The following VAC14 variants were observed in gnomAD, a reference collection of about 807,000 sequenced individuals.
VAC14 encodes the protein VAC14 component of PIKFYVE complex.
VAC14 carries 47 observed loss-of-function variants against 85.3 expected under a neutral mutation model. The ratio of observed to expected loss-of-function variants is 0.55; its 90% CI spans 0.44 to 0.70. The LOEUF (loss-of-function observed/expected upper bound fraction) is 0.70. VAC14 is among the 30% of genes least tolerant of loss of function. VAC14 has a pLI of 0.00. For missense variants in VAC14, 861 were observed against 1,004.3 expected (o/e 0.86, Z 1.93); for synonymous variants, 447 against 430.5 (o/e 1.04, Z -0.47).
intron 13 of VAC14, among the ~76,000 whole-genome samples, chr16:70,738,278 G>T (rs1178434312): frequency 2.6e-5 from 4 of 152,180 alleles, no homozygotes. Context: ...GTAGACAAAG[G>T]CCGCCGCAAT....
intron 10 of VAC14, chr16:70,768,674 G>C: frequency 2.7e-6 from 1 of 363,692 alleles, no homozygotes; most frequent in Non-Finnish European, 5.5e-6. Context: ...CTCAGGTTTA[G>C]TCAGTTAATT....
At chr16:70,734,387 C>T (rs2054686397) in intron 13 of VAC14, among the ~76,000 whole-genome samples, 1 of 152,212 alleles carries the variant, frequency 6.6e-6, no homozygotes, top group Non-Finnish European at 1.5e-5. Flanking sequence ...TCTGCCTTGG[C>T]CTCCCAAAGT....
At chr16:70,789,612 A>T (rs2034241573) in intron 1 of VAC14, among the ~76,000 whole-genome samples, 2 of 152,240 alleles carry the variant, frequency 1.3e-5, no homozygotes, top group South Asian at 4.1e-4. Flanking sequence ...GAGAGACTGA[A>T]TTTGAGATTT....
chr16:70,786,603 G>T (rs2034071749), intron 1 of VAC14, among the ~76,000 whole-genome samples: 1 of 152,312 alleles, frequency 6.6e-6, no homozygotes. Flanking sequence ...CTCACTTCTG[G>T]GAATCTGAGA....
In VAC14 at chr16:70,800,790, C is replaced by T. The variant is rs187566408; in HGVS notation, c.104+7G>A. On this transcript the variant is annotated splice_region_variant and intron_variant, in intron 1 of 18. Coordinates refer to ENST00000261776, the MANE Select transcript of VAC14 (RefSeq NM_018052.5). The stretch of plus-strand genomic sequence containing the variant: ...CATAGCCAGGGAGGGGTCCTGGCGG[C>T]TCTTACTTCTCGATCTCCAGCGCTG... 2 of 1,609,634 alleles carry T rather than the reference C, an allele frequency of 1.2e-6. No individual in the cohort carries two copies. Among genetic ancestry groups the T allele is most frequent in the Admixed American group, 3.3e-5 (2 of 59,808 alleles).
Position 70,743,508 on chromosome 16 carries a change from C to T in VAC14, c.1528+915G>A, listed in dbSNP as rs1237867117. Reference sequence around the variant, plus strand: ...AGCTGTAACACTTGCCGCAAAGGTCCGTGGCTTCATTCTTGAAGTCAGCAA... The same window carrying T: ...AGCTGTAACACTTGCCGCAAAGGTCTGTGGCTTCATTCTTGAAGTCAGCAA... On this transcript the variant is annotated intron_variant, in intron 13 of 18. Transcript: ENST00000261776. Among the ~76,000 whole-genome samples, 4 of 152,214 alleles carry T rather than the reference C, an allele frequency of 2.6e-5. No individual in the cohort carries two copies. The East Asian group carries it at 5.8e-4, about 22-fold the overall frequency.
intron 10 of VAC14, chr16:70,768,695 T>G: frequency 2.5e-6 from 1 of 392,434 alleles, no homozygotes; most frequent in Non-Finnish European, 5.1e-6. Context: ...CTCCCTGTGT[T>G]TCGGTCCAAG....
intron 9 of VAC14, chr16:70,779,108 G>C (rs1021526201): frequency 6.6e-6 from 1 of 152,242 alleles, no homozygotes; most frequent in African/African-American, 2.4e-5. Context: ...AACCACCAAT[G>C]CTCCAGCTGA....
intron 18 of VAC14, chr16:70,688,476 A>G (rs2053540544): frequency 2.0e-6 from 2 of 992,914 alleles, no homozygotes; most frequent in South Asian, 9.4e-5. Flanking sequence ...GAGAAGGGGG[A>G]GGTGGCAGCT....
Position 70,698,733 on chromosome 16 carries a change from C to G in VAC14, c.1740G>C (p.Lys580Asn). 6.2e-7 allele frequency: 1 copy of G among 1,614,196 alleles called. No individual in the cohort carries two copies. The highest frequency in any genetic ancestry group is 8.5e-7 in the Non-Finnish European group (1 of 1,180,026). Reference protein sequence around the residue: ...ADILLREEDLKFASTMVHALN... With the variant: ...ADILLREEDLNFASTMVHALN... ...GGGCGTGGACCATGGTCGAGGCGAA[C>G]TTGAGGTCCTCCTCCCGCAGCAGGA... is the stretch of plus-strand genomic sequence containing the variant. Residue 580 changes from lysine (K) to asparagine (N), a missense_variant, in exon 15 of 19, where the codon AAG becomes AAC. This residue lies in a region of VAC14 where 69 missense variants were observed against 139.0 expected (regional missense o/e 0.50). Transcript: ENST00000261776.
intron 1 of VAC14, among the ~76,000 whole-genome samples, chr16:70,795,536 G>A (rs1443157736): frequency 6.8e-6 from 1 of 147,930 alleles, no homozygotes; most frequent in African/African-American, 2.5e-5. Flanking sequence ...CCTCTGAAGC[G>A]ATACATGACT....
At chr16:70,795,494 TAAA>T (rs71153603) in intron 1 of VAC14, among the ~76,000 whole-genome samples, 1 of 91,922 alleles carries the variant, frequency 1.1e-5, no homozygotes, top group Admixed American at 1.2e-4. Flanking sequence ...AGACTCTGTC[TAAA>T]AAAAAAAAAA....
intron 1 of VAC14, among the ~76,000 whole-genome samples, chr16:70,796,134 C>T (rs1179896941): frequency 6.6e-6 from 1 of 152,214 alleles, no homozygotes; most frequent in Non-Finnish European, 1.5e-5. Context: ...TTGTGTGGTC[C>T]TGTGGGAATA....
At chr16:70,782,070 C>T (rs2033841404) in intron 7 of VAC14, 67 bp from the exon 8 acceptor site, 4 of 1,573,752 alleles carry the variant, frequency 2.5e-6, no homozygotes, top group Admixed American at 3.5e-5. Flanking sequence ...TCCCATTGAC[C>T]ATACACGTGG....
rs2054590135 is a variant in VAC14, at chr16:70,731,496, T to C, written c.1660A>G (p.Arg554Gly). ...AGAAAGCGCGCCGCCAAGGCTGACC[T>C]GATGATGAAAGGGCCTCTGACCTCC... ...LLEVRGPFII[R>G]QLCLLLNAEN... The change falls in exon 14 of 19, where the codon AGG (arginine) becomes GGG (glycine). Residue 554 changes from arginine to glycine, a missense_variant and splice_region_variant. Transcript: ENST00000261776. The C allele has an allele frequency of 6.2e-7, 1 of 1,613,782 alleles. No homozygotes were observed.
chr16:70,718,060 G>A (rs540221250), intron 14 of VAC14, among the ~76,000 whole-genome samples: 1 of 152,352 alleles, frequency 6.6e-6, no homozygotes, highest in Admixed American at 6.5e-5. Flanking sequence ...CTGAGCCCGA[G>A]GGAGCAGTTG....
At chr16:70,749,551 T>C (rs889317186) in intron 12 of VAC14, among the ~76,000 whole-genome samples, 14 of 152,246 alleles carry the variant, frequency 9.2e-5, no homozygotes, top group Non-Finnish European at 1.5e-4. Flanking sequence ...GACAACACTG[T>C]GTGCGCTTGT....
At chr16:70,792,066 C>T (rs923144558) in intron 1 of VAC14, among the ~76,000 whole-genome samples, 2 of 152,194 alleles carry the variant, frequency 1.3e-5, no homozygotes, top group Admixed American at 6.5e-5. Context: ...AAAGGTGCAC[C>T]GGCTTGGATG....
chr16:70,690,001 C>T, intron 18 of VAC14: 1 of 985,448 alleles, frequency 1.0e-6, no homozygotes, highest in Non-Finnish European at 1.2e-6. Flanking sequence ...TGGGCACCCA[C>T]AGGTCTGTGC....
Sources: allele counts gnomAD v4.1 joint callset (sites outside exome capture counted in the v4.1 genomes callset), GRCh38; gene constraint gnomAD v4.1.1; regional missense constraint gnomAD v4.1.1; transcripts MANE v1.5; gene names NCBI Gene and HGNC (gene_info 2026-07-23, HGNC 2026-07-21).